Variants in ITPRID2 observed in about 807,000 individuals in gnomAD.
The protein encoded by ITPRID2 is protein ITPRID2.
ITPRID2 carries 60 observed loss-of-function variants against 124.3 expected under a neutral mutation model. The ratio of observed to expected loss-of-function variants is 0.48; its 90% CI spans 0.39 to 0.60. The LOEUF (loss-of-function observed/expected upper bound fraction) is 0.60, where lower values mean the gene tolerates loss of function less well. ITPRID2 is among the 20% of genes least tolerant of loss of function. The pLI, the probability that ITPRID2 is intolerant of heterozygous loss-of-function variation, is 0.00. For missense variants in ITPRID2, 1,553 were observed against 1,512.2 expected, an observed-to-expected ratio of 1.03 and a Z score of -0.45; for synonymous variants, 521 against 542.9, an observed-to-expected ratio of 0.96 and a Z score of 0.56.
chr2:181,893,565 G>T (rs1691937299), intron 2 of ITPRID2: 1 of 152,122 alleles, frequency 6.6e-6, no homozygotes, highest in Non-Finnish European at 1.5e-5. Context: ...TTAATGCCTT[G>T]TTTTGATGAA....
chr2:181,922,392 T>C lies in ITPRID2; in HGVS notation c.3655T>C (p.Leu1219=), dbSNP rs757691163. 1.7e-5 allele frequency: 28 copies of C among 1,611,932 alleles called. No homozygotes were observed. The highest frequency in any genetic ancestry group is 2.3e-5 in the Non-Finnish European group (27 of 1,178,746). Residue 1219 remains leucine (L), a synonymous_variant, in exon 16 of 18, where the codon TTG becomes CTG. Transcript: ENST00000431877. The stretch of plus-strand genomic sequence containing the variant: ...GCATAAAAATGTGGAGCAAGATGAG[T>C]TGCAGCAAGTCATACGGGAGGTGGG... ...EMHKNVEQDE[L]QQVIREIKES...
rs558842805 is a variant in ITPRID2, at chr2:181,928,038, C to G, written c.3676-123C>G. The G allele has an allele frequency of 6.2e-6, 4 of 640,236 alleles. No individual in the cohort carries two copies. In the Admixed American group the frequency reaches 1.2e-4, roughly 19 times the overall value. The allele number at this position is 640,236 out of a possible 1,614,324, so 39.7% of individuals were successfully genotyped here. A position where few individuals can be genotyped will look rare whatever the true frequency, so the allele number is the denominator to read the frequency against. On this transcript the variant is annotated intron_variant, in intron 16 of 17. Coordinates refer to ENST00000431877, the MANE Select transcript of ITPRID2 (RefSeq NM_001130445.3). ...GATTCCCCACTCCCTCTCTGTATTG[C>G]AGGGAGATTCACATGAAGGTGAAAT...
chr2:181,916,162 A>G lies in ITPRID2; in HGVS notation c.2522A>G (p.Gln841Arg), dbSNP rs1280822374. ...CGGCTTGCTCCACCACCAATGTCTC[A>G]GTCTACCTGTTCCCTTCATTCCATC... ...CSRLAPPPMSQSTCSLHSIHS... is the reference protein window; with the variant it reads ...CSRLAPPPMSRSTCSLHSIHS... Residue 841 changes from glutamine to arginine, a missense_variant, in exon 11 of 18, where the codon CAG (glutamine) becomes CGG (arginine). Physicochemically the swap from Gln to Arg is conservative, Grantham distance 43. Transcript: ENST00000431877. 3.1e-6 allele frequency: 5 copies of G among 1,614,236 alleles called. No individual in the cohort carries two copies. Among genetic ancestry groups the G allele is most frequent in the Non-Finnish European group, 3.4e-6 (4 of 1,180,034 alleles).
intron 6 of ITPRID2, among the ~76,000 whole-genome samples, chr2:181,899,547 A>T (rs566723594): frequency 1.3e-5 from 2 of 152,212 alleles, no homozygotes; most frequent in Admixed American, 6.5e-5. Context: ...TTTCAAATAT[A>T]TAGTATAGCC....
chr2:181,919,362 G>A lies in ITPRID2; in HGVS notation c.3060G>A (p.Leu1020=), dbSNP rs755326576. Residue 1020 remains leucine, a synonymous_variant, in exon 14 of 18, where the codon CTG becomes CTA. Transcript: ENST00000431877. This position sits in a 1 kb window ranked among gnomAD's most constrained non-coding sequence, Gnocchi z 4.2. The part of the protein sequence containing the change: ...SVRMELQDLE[L]QLEERLLGLE... ...GAATGGAACTTCAGGACCTGGAACT[G>A]CAGCTGGAGGAGCGCCTGCTGGGCC... 5.6e-6 allele frequency: 9 copies of A among 1,614,122 alleles called. No individual in the cohort carries two copies. Among genetic ancestry groups the A allele is most frequent in the Non-Finnish European group, 7.6e-6 (9 of 1,180,028 alleles).
chr2:181,918,416 G>T, intron 11 of ITPRID2, 182 bp from the exon 12 acceptor site: 1 of 1,381,620 alleles, frequency 7.2e-7, no homozygotes, highest in Non-Finnish European at 9.4e-7. Flanking sequence ...GGAACAGCTA[G>T]CAGTACTAGG....
Position 181,896,138 on chromosome 2 carries a change from C to G in ITPRID2, c.307+59C>G. 1 of 1,453,750 alleles carries G rather than the reference C, an allele frequency of 6.9e-7. No homozygotes were observed. Among genetic ancestry groups the G allele is most frequent in the Non-Finnish European group, 9.7e-7 (1 of 1,035,544 alleles). 90.1% of individuals were successfully genotyped at this position (1,453,750 alleles called of 1,614,324 possible). A position where few individuals can be genotyped will look rare whatever the true frequency, so the allele number is the denominator to read the frequency against. On this transcript the variant is annotated intron_variant, in intron 3 of 17. Coordinates refer to ENST00000431877, the MANE Select transcript of ITPRID2 (RefSeq NM_001130445.3). This position sits in a 1 kb window ranked among gnomAD's most constrained non-coding sequence, Gnocchi z 4.3. ...TATGACAGTTCTACTTCTTTGTCCT[C>G]TGGGTAAAAGTGTATATATGACTTA...
chr2:181,898,949 A>T (rs1692438234), intron 5 of ITPRID2, 30 bp downstream of exon 5: 1 of 1,602,576 alleles, frequency 6.2e-7, no homozygotes. Context: ...TATTTCTTTT[A>T]AAAAATGAAG....
intron 9 of ITPRID2, among the ~76,000 whole-genome samples, chr2:181,912,931 G>C (rs1014127959): frequency 2.0e-5 from 3 of 152,076 alleles, no homozygotes; most frequent in African/African-American, 7.2e-5. Context: ...ATTTGGTTGA[G>C]TTTTATGTAA....
intron 11 of ITPRID2, chr2:181,917,402 A>G (rs1043740872): frequency 1.3e-5 from 2 of 152,192 alleles, no homozygotes; most frequent in Non-Finnish European, 2.9e-5. Flanking sequence ...GTCCCCTAAC[A>G]GTTTTCTGTT....
Position 181,891,898 on chromosome 2 carries a change from TTCCCTCCC to T in ITPRID2, c.-159_-152del, listed in dbSNP as rs951906823. ...CCCTCCGCCCCTTCCCTCCCCTTCC[TTCCCTCCC>T]TCCCTCCCTGTCCCCTCCTCCTCCT... is the stretch of plus-strand genomic sequence containing the variant. On this transcript the variant is annotated 5_prime_UTR_variant, in exon 1 of 18. Transcript: ENST00000431877. 3.1e-4 allele frequency: 107 copies of T among 348,974 alleles called. 7 individuals are homozygous for T. Among genetic ancestry groups the T allele is most frequent in the African/African-American group, 2.2e-3 (95 of 42,564 alleles). The allele number at this position is 348,974 out of a possible 1,614,324, so 21.6% of individuals were successfully genotyped here.
At chr2:181,920,690 G>A (rs769065232) in intron 15 of ITPRID2, 28 bp downstream of exon 15, 1 of 1,552,052 alleles carries the variant, frequency 6.4e-7, no homozygotes, top group Non-Finnish European at 8.9e-7. Context: ...TAAATCACTG[G>A]GGAAGGGAAT....
intron 16 of ITPRID2, among the ~76,000 whole-genome samples, chr2:181,923,651 GCTAA>G (rs561557989): frequency 4.5e-4 from 68 of 151,916 alleles, no homozygotes; most frequent in African/African-American, 1.6e-3. Flanking sequence ...CACTATATTT[GCTAA>G]CTGAGGAAGT....
chr2:181,903,610 CT>C (rs1692856388), intron 8 of ITPRID2, among the ~76,000 whole-genome samples: 1 of 147,566 alleles, frequency 6.8e-6, no homozygotes, highest in African/African-American at 2.5e-5. Context: ...TCTGTTAATA[CT>C]TTAATTACAA....
Position 181,909,928 on chromosome 2 carries a change from T to C in ITPRID2, c.1443T>C (p.His481=), listed in dbSNP as rs780054831. 6.2e-6 allele frequency: 10 copies of C among 1,613,436 alleles called. No individual in the cohort carries two copies. The highest frequency in any genetic ancestry group is 8.5e-6 in the Non-Finnish European group (10 of 1,179,460). The change falls in exon 9 of 18, where the codon CAT becomes CAC. Residue 481 remains histidine, a synonymous_variant. Transcript: ENST00000431877. ...AAAGTACGGAGGGAGAAGCTCCTCA[T>C]GTTCCAGCCACTTACCAGCTAGGTC... is the stretch of plus-strand genomic sequence containing the variant. ...EVQSTEGEAP[H]VPATYQLGLT...
chr2:181,916,716 CTG>C (rs1419929788), intron 11 of ITPRID2: 1 of 756,746 alleles, frequency 1.3e-6, no homozygotes, highest in East Asian at 4.6e-5. Context: ...CTATCATCCA[CTG>C]TCTTTGTTTT....
At chr2:181,928,363 G>C (rs1437492407) in intron 17 of ITPRID2, 85 bp downstream of exon 17, 1 of 791,352 alleles carries the variant, frequency 1.3e-6, no homozygotes. Flanking sequence ...TACAGGTTTG[G>C]TTCTCTAGTT....
intron 7 of ITPRID2, 21 bp from the exon 8 acceptor site, chr2:181,901,745 T>C: frequency 6.6e-7 from 1 of 1,526,710 alleles, no homozygotes; most frequent in Non-Finnish European, 8.9e-7. Flanking sequence ...AACATATCAT[T>C]AATATTGTTT....
chr2:181,902,158 GC>G lies in ITPRID2; in HGVS notation c.1106del (p.Ala369ValfsTer45). The G allele has an allele frequency of 6.2e-7, 1 of 1,613,738 alleles. No homozygotes were observed. The highest frequency in any genetic ancestry group is 8.5e-7 in the Non-Finnish European group (1 of 1,179,798). On this transcript the variant is annotated frameshift_variant, in exon 8 of 18. Coordinates refer to ENST00000431877, the MANE Select transcript of ITPRID2 (RefSeq NM_001130445.3). LOFTEE classifies it high-confidence loss of function. The surrounding 1 kb of genome is among the most constrained non-coding windows in gnomAD (Gnocchi z 4.4). The part of the protein sequence containing the change: ...VKEEVSGSSA[A>X]VTENADSDRI... ...AGAAGAAGTCTCTGGTAGTTCAGCA[GC>G]TGTTACGGAGAATGCTGATAGTGAT...
Sources: allele counts gnomAD v4.1 joint callset (sites outside exome capture counted in the v4.1 genomes callset), GRCh38; gene constraint gnomAD v4.1.1; non-coding constraint Gnocchi (gnomAD v3.1); transcripts MANE v1.5; gene names NCBI Gene and HGNC (gene_info 2026-07-23, HGNC 2026-07-21).